GMDS: variants seen among roughly 807,000 people sequenced by gnomAD.
The protein encoded by GMDS is GDP-mannose 4,6-dehydratase, also known as GDP-mannose 4,6 dehydratase.
A neutral mutation model predicts 49.9 loss-of-function variants in GMDS; 20 were observed. That is an observed-to-expected ratio of 0.40 (90% CI 0.28 to 0.58). The LOEUF is 0.58. GMDS is among the 20% of genes least tolerant of loss of function. The pLI is 0.42. For missense variants in GMDS, 362 were observed against 481.4 expected, an observed-to-expected ratio of 0.75 and a Z score of 2.32; for synonymous variants, 177 against 178.6, an observed-to-expected ratio of 0.99 and a Z score of 0.07.
intron 7 of GMDS, among the ~76,000 whole-genome samples, chr6:1,790,692 A>T (rs957513249): frequency 1.3e-5 from 2 of 152,130 alleles, no homozygotes; most frequent in African/African-American, 4.8e-5. Flanking sequence ...TAATTGTATG[A>T]TTTGAATTTT....
chr6:1,924,020 G>C (rs2113910478), intron 7 of GMDS, among the ~76,000 whole-genome samples: 1 of 152,264 alleles, frequency 6.6e-6, no homozygotes. Flanking sequence ...GAGGGGGCTG[G>C]AGACCTGACT....
In GMDS at chr6:1,624,008, C is replaced by T. The variant is rs1013039587; in HGVS notation, c.*161G>A. ...GTCACATCCCGGCTGCTACAAACCT[C>T]GGCGGGGCGGCCCCGCTCTTGCGGC... On this transcript the variant is annotated 3_prime_UTR_variant, in exon 11 of 11. Coordinates refer to ENST00000380815, the MANE Select transcript of GMDS (RefSeq NM_001500.4). The T allele has an allele frequency of 8.1e-6, 5 of 614,440 alleles. No homozygotes were observed. Among genetic ancestry groups the T allele is most frequent in the Non-Finnish European group, 1.4e-5 (5 of 354,214 alleles). 38.1% of individuals were successfully genotyped at this position (614,440 alleles called of 1,614,324 possible).
chr6:2,019,651 T>A (rs1186768611), intron 4 of GMDS, among the ~76,000 whole-genome samples: 1 of 152,122 alleles, frequency 6.6e-6, no homozygotes, highest in Non-Finnish European at 1.5e-5. Flanking sequence ...AGTTTCACCA[T>A]GTTGGCCAGG....
intron 1 of GMDS, among the ~76,000 whole-genome samples, chr6:2,141,185 G>T (rs541718216): frequency 5.9e-5 from 9 of 152,304 alleles, no homozygotes; most frequent in Non-Finnish European, 8.8e-5. Flanking sequence ...AGGGGAGTGG[G>T]ATCAGGTCAA....
At position 1,830,538 on chromosome 6, in the gene GMDS, G is replaced by A. The variant is rs150796525; in HGVS notation, c.772-87952C>T. ...GGTTCAATGTATGTTAAGAAATAAAGACAAGAAGATGAGACAGAAGCAAGC... is the reference window on the plus strand; with the variant it reads ...GGTTCAATGTATGTTAAGAAATAAAAACAAGAAGATGAGACAGAAGCAAGC... On this transcript the variant is annotated intron_variant, in intron 7 of 10. Coordinates refer to ENST00000380815, the MANE Select transcript of GMDS (RefSeq NM_001500.4). Among the ~76,000 whole-genome samples the A allele has an allele frequency of 3.3e-5, 5 of 152,306 alleles. No individual in the cohort carries two copies. The East Asian group carries it at 9.6e-4, about 29-fold the overall frequency.
chr6:1,965,918 C>T (rs775697400), intron 4 of GMDS, among the ~76,000 whole-genome samples: 1 of 152,154 alleles, frequency 6.6e-6, no homozygotes, highest in Non-Finnish European at 1.5e-5. Context: ...TTCTGAAACA[C>T]ACGAAAACAT....
intron 4 of GMDS, among the ~76,000 whole-genome samples, chr6:1,975,186 T>C (rs555954643): frequency 2.8e-4 from 43 of 152,302 alleles, no homozygotes; most frequent in Admixed American, 1.2e-3. Flanking sequence ...GATAATCCCA[T>C]GGCAGAAAGT....
intron 7 of GMDS, among the ~76,000 whole-genome samples, chr6:1,816,914 C>T (rs1021191417): frequency 6.6e-6 from 1 of 150,894 alleles, no homozygotes; most frequent in East Asian, 1.9e-4. Context: ...AGGAAAACTG[C>T]CAGAGAAAAG....
At chr6:1,763,790 T>C (rs769139147) in intron 7 of GMDS, among the ~76,000 whole-genome samples, 28 of 152,240 alleles carry the variant, frequency 1.8e-4, no homozygotes, top group Non-Finnish European at 3.7e-4. Flanking sequence ...TCCCACTCAG[T>C]AGCTCAGTTT....
intron 6 of GMDS, among the ~76,000 whole-genome samples, chr6:1,953,673 AAC>A (rs1763477711): frequency 6.6e-6 from 1 of 152,342 alleles, no homozygotes; most frequent in African/African-American, 2.4e-5. Flanking sequence ...TAATGTAATA[AAC>A]AGTCAAAACT....
chr6:1,685,516 T>G (rs1256158676), intron 9 of GMDS, among the ~76,000 whole-genome samples: 1 of 152,204 alleles, frequency 6.6e-6, no homozygotes, highest in Non-Finnish European at 1.5e-5. Context: ...CTGTTTAATC[T>G]GAAAATGAAA....
intron 1 of GMDS, among the ~76,000 whole-genome samples, chr6:2,193,720 A>ATTTTTTTTTTTT: frequency 8.9e-6 from 1 of 111,792 alleles, no homozygotes; most frequent in Non-Finnish European, 1.8e-5. Context: ...TGAAAATGCT[A>ATTTTTTTTTTTT]TTTTTTTTTT....
intron 7 of GMDS, among the ~76,000 whole-genome samples, chr6:1,759,882 G>A (rs200672219): frequency 1.3e-5 from 2 of 152,254 alleles, no homozygotes; most frequent in East Asian, 3.9e-4. Flanking sequence ...ATGTGTCCCT[G>A]TGCCTACTGC....
At chr6:2,210,615 G>T (rs903905186) in intron 1 of GMDS, among the ~76,000 whole-genome samples, 15 of 152,238 alleles carry the variant, frequency 9.9e-5, no homozygotes, top group Admixed American at 7.2e-4. Flanking sequence ...AAATCAGCTA[G>T]GGGCTCCCAG....
At chr6:2,036,695 T>C (rs966081151) in intron 4 of GMDS, among the ~76,000 whole-genome samples, 2 of 152,196 alleles carry the variant, frequency 1.3e-5, no homozygotes, top group Admixed American at 6.5e-5. Context: ...AAAGTAAATA[T>C]AGGATATACT....
At chr6:1,927,536 C>T (rs1394933388) in intron 7 of GMDS, among the ~76,000 whole-genome samples, 1 of 152,204 alleles carries the variant, frequency 6.6e-6, no homozygotes, top group East Asian at 1.9e-4. Flanking sequence ...TGCACCAACC[C>T]CTACTGGAGC....
At chr6:2,134,764 G>C (rs1022700763) in intron 1 of GMDS, among the ~76,000 whole-genome samples, 3 of 152,134 alleles carry the variant, frequency 2.0e-5, no homozygotes, top group Admixed American at 6.5e-5. Context: ...TCAACTATTT[G>C]AGTCATATAG....
intron 7 of GMDS, among the ~76,000 whole-genome samples, chr6:1,885,495 C>T (rs762860008): frequency 2.0e-5 from 3 of 152,106 alleles, no homozygotes; most frequent in South Asian, 2.1e-4. Flanking sequence ...ATATCTAAAC[C>T]GACATTGGCT....
chr6:2,119,625 C>T (rs1410533687), intron 2 of GMDS, among the ~76,000 whole-genome samples: 2 of 152,106 alleles, frequency 1.3e-5, no homozygotes, highest in Non-Finnish European at 2.9e-5. Context: ...TTTCTCTTTA[C>T]AGAAGGGATG....
Sources: allele counts gnomAD v4.1 joint callset (sites outside exome capture counted in the v4.1 genomes callset), GRCh38; gene constraint gnomAD v4.1.1; transcripts MANE v1.5; gene names NCBI Gene and HGNC (gene_info 2026-07-23, HGNC 2026-07-21).